The following PRKG1 variants were observed in gnomAD, a reference collection of about 807,000 sequenced individuals.
PRKG1 encodes the protein protein kinase cGMP-dependent 1, also known as cGMP-dependent protein kinase 1.
In PRKG1, 35 loss-of-function variants were observed where a neutral mutation model predicts 88.1. That is an observed-to-expected ratio of 0.40 (90% CI 0.30 to 0.53). The LOEUF (loss-of-function observed/expected upper bound fraction) is 0.53. PRKG1 is among the 20% of genes least tolerant of loss of function. The pLI, the probability that PRKG1 is intolerant of heterozygous loss-of-function variation, is 0.59. For synonymous variants in PRKG1, 303 were observed against 292.5 expected, an observed-to-expected ratio of 1.04 and a Z score of -0.37; for missense variants, 540 against 839.8, an observed-to-expected ratio of 0.64 and a Z score of 4.41.
At chr10:51,664,535 A>G (rs1280356632) in intron 3 of PRKG1, among the ~76,000 whole-genome samples, 1 of 152,118 alleles carries the variant, frequency 6.6e-6, no homozygotes, top group Non-Finnish European at 1.5e-5. Context: ...ATTGTCAAAC[A>G]CTGGGCTTAA....
chr10:51,528,137 T>A (rs1467074351), intron 3 of PRKG1, among the ~76,000 whole-genome samples: 1 of 152,172 alleles, frequency 6.6e-6, no homozygotes, highest in African/African-American at 2.4e-5. Flanking sequence ...CAAAATCATC[T>A]AGAGATAAAA....
chr10:51,730,073 G>C (rs941165460), intron 3 of PRKG1, among the ~76,000 whole-genome samples: 1 of 152,118 alleles, frequency 6.6e-6, no homozygotes, highest in African/African-American at 2.4e-5. Flanking sequence ...GCATTATATG[G>C]GTTTGGACAA....
intron 9 of PRKG1, among the ~76,000 whole-genome samples, chr10:52,171,334 A>C (rs188941906): frequency 6.6e-6 from 1 of 152,180 alleles, no homozygotes; most frequent in Non-Finnish European, 1.5e-5. Flanking sequence ...CGATATGTCA[A>C]TTAAATAGAC....
intron 5 of PRKG1, among the ~76,000 whole-genome samples, chr10:52,016,097 C>G (rs184396802): frequency 6.6e-6 from 1 of 152,232 alleles, no homozygotes; most frequent in Admixed American, 6.5e-5. Context: ...GTCACTTTCA[C>G]ATTTTTAGGC....
At chr10:51,402,409 A>G (rs1837774955) in intron 2 of PRKG1, among the ~76,000 whole-genome samples, 1 of 152,208 alleles carries the variant, frequency 6.6e-6, no homozygotes, top group South Asian at 2.1e-4. Flanking sequence ...AACATGAAAA[A>G]GGGTCATTGC....
intron 3 of PRKG1, among the ~76,000 whole-genome samples, chr10:51,669,679 T>C (rs991578532): frequency 6.6e-6 from 1 of 152,230 alleles, no homozygotes; most frequent in African/African-American, 2.4e-5. Context: ...TTTCCCAATA[T>C]CTATTTTGCC....
At position 51,997,665 on chromosome 10, in the gene PRKG1, T is replaced by A. The variant is rs1289005908; in HGVS notation, c.763-56819T>A. ...ATTCATTCTACAATGTATTCATACT[T>A]CAAAATATAATGTTGTACGCAATAA... On this transcript the variant is annotated intron_variant, in intron 5 of 17. Coordinates refer to ENST00000373980, the MANE Select transcript of PRKG1 (RefSeq NM_006258.4). Among the ~76,000 whole-genome samples, 4 of 152,162 alleles carry A rather than the reference T, an allele frequency of 2.6e-5. No homozygotes were observed. In the East Asian group the frequency reaches 7.7e-4, roughly 29 times the overall value.
chr10:51,616,913 C>T (rs1289986518), intron 3 of PRKG1, among the ~76,000 whole-genome samples: 2 of 152,056 alleles, frequency 1.3e-5, no homozygotes, highest in Non-Finnish European at 2.9e-5. Context: ...TGGCAGTAGC[C>T]CATACTTTGC....
In PRKG1 at chr10:51,772,605, A is replaced by AT. The variant is rs563463574; in HGVS notation, c.593-31970dup. Among the ~76,000 whole-genome samples, 571 of 148,400 alleles carry AT rather than the reference A, an allele frequency of 3.8e-3. 3 individuals are homozygous for AT. The highest frequency in any genetic ancestry group is 0.012 in the African/African-American group (495 of 40,654). On this transcript the variant is annotated intron_variant, in intron 3 of 17. Coordinates refer to ENST00000373980, the MANE Select transcript of PRKG1 (RefSeq NM_006258.4). ...CTGGTGGTGAGAATATAAATCACAC[A>AT]TTTTTTTTTTGTCTGAGTTTTCTGT... is the stretch of plus-strand genomic sequence containing the variant.
chr10:51,708,302 G>A lies in PRKG1; in HGVS notation c.593-96283G>A, dbSNP rs150976126. ...ATTGTATTAGATGAGGGGTCCACAC[G>A]TATGACCTCATTTAATTATAATTAT... is the stretch of plus-strand genomic sequence containing the variant. On this transcript the variant is annotated intron_variant, in intron 3 of 17. Transcript: ENST00000373980. Among the ~76,000 whole-genome samples, 212 of 152,178 alleles carry A rather than the reference G, an allele frequency of 1.4e-3. 6 individuals are homozygous for A. The East Asian group carries it at 0.034, about 25-fold the overall frequency.
chr10:51,715,261 A>G (rs1157710611), intron 3 of PRKG1, among the ~76,000 whole-genome samples: 1 of 152,158 alleles, frequency 6.6e-6, no homozygotes, highest in East Asian at 1.9e-4. Flanking sequence ...TCATTTTTCT[A>G]CTGTTTTTCA....
At chr10:51,747,690 T>C (rs1297205145) in intron 3 of PRKG1, among the ~76,000 whole-genome samples, 1 of 152,192 alleles carries the variant, frequency 6.6e-6, no homozygotes, top group Non-Finnish European at 1.5e-5. Context: ...TATTTTTATT[T>C]AGGTAAAAAT....
At chr10:51,446,033 G>A (rs186087511) in intron 2 of PRKG1, among the ~76,000 whole-genome samples, 70 of 152,036 alleles carry the variant, frequency 4.6e-4, no homozygotes, top group African/African-American at 1.7e-3. Context: ...GAGTTCAATG[G>A]TGAATGTTCA....
At chr10:51,996,533 T>TTAAC (rs2133139213) in intron 5 of PRKG1, among the ~76,000 whole-genome samples, 1 of 152,188 alleles carries the variant, frequency 6.6e-6, no homozygotes, top group South Asian at 2.1e-4. Flanking sequence ...AAATGAATGC[T>TTAAC]TAACTACTAA....
At chr10:51,187,418 T>C (rs569279182) in intron 2 of PRKG1, among the ~76,000 whole-genome samples, 1 of 152,198 alleles carries the variant, frequency 6.6e-6, no homozygotes, top group Admixed American at 6.6e-5. Context: ...ATGACAACGT[T>C]AAAATCTTAA....
chr10:51,703,496 G>A (rs1298592932), intron 3 of PRKG1, among the ~76,000 whole-genome samples: 2 of 151,932 alleles, frequency 1.3e-5, no homozygotes, highest in Non-Finnish European at 1.5e-5. Flanking sequence ...TCTGATTATA[G>A]TAACTCCTTT....
intron 2 of PRKG1, among the ~76,000 whole-genome samples, chr10:51,209,418 A>G (rs1215247266): frequency 6.6e-6 from 1 of 152,182 alleles, no homozygotes; most frequent in East Asian, 1.9e-4. Context: ...AAACTGAAGC[A>G]TTAGTTTCCA....
intron 2 of PRKG1, among the ~76,000 whole-genome samples, chr10:51,197,628 T>C (rs534154943): frequency 2.0e-4 from 30 of 152,014 alleles, no homozygotes; most frequent in African/African-American, 7.2e-4. Context: ...AGGACTGAGG[T>C]ACACATATGT....
chr10:51,851,809 A>G (rs1840562050), intron 4 of PRKG1, among the ~76,000 whole-genome samples: 1 of 152,184 alleles, frequency 6.6e-6, no homozygotes, highest in Non-Finnish European at 1.5e-5. Flanking sequence ...ACATTTTGCT[A>G]CACAGATACC....
Sources: gnomAD v4.1 joint callset for allele counts (sites outside exome capture counted in the v4.1 genomes callset) on GRCh38, gnomAD v4.1.1 for gene constraint, MANE v1.5 for transcripts, NCBI Gene and HGNC (gene_info 2026-07-23, HGNC 2026-07-21) for gene names.